The following KIF5C variants were observed in gnomAD, a reference collection of about 807,000 sequenced individuals.
The protein encoded by KIF5C is kinesin family member 5C.
A neutral mutation model predicts 125.2 loss-of-function variants in KIF5C; 18 were observed. The observed-to-expected ratio is 0.14, with a 90% CI of 0.10 to 0.21. The LOEUF is 0.21. Ranked by LOEUF, KIF5C falls within the 10% of genes least tolerant of loss-of-function variation. KIF5C has a pLI of 1.00. For missense variants in KIF5C, 780 were observed against 1,183.8 expected (o/e 0.66, Z 5.01); for synonymous variants, 405 against 434.0 (o/e 0.93, Z 0.83).
chr2:148,882,430 C>T (rs1362883714), intron 1 of KIF5C, among the ~76,000 whole-genome samples: 2 of 152,186 alleles, frequency 1.3e-5, no homozygotes, highest in African/African-American at 4.8e-5. Context: ...GCAGACCCTT[C>T]AGAGGTTCCC....
chr2:148,890,378 G>T (rs1281385269), intron 1 of KIF5C, among the ~76,000 whole-genome samples: 1 of 152,042 alleles, frequency 6.6e-6, no homozygotes, highest in African/African-American at 2.4e-5. Flanking sequence ...GTGTGTACCT[G>T]TAGTGCCATC....
chr2:149,024,382 C>G lies in KIF5C; in HGVS notation c.*1312C>G, dbSNP rs1329060905. 6.7e-6 allele frequency: 1 copy of G among 149,482 alleles called. No homozygotes were observed. The highest frequency in any genetic ancestry group is 2.5e-5 in the African/African-American group (1 of 40,424). The allele number at this position is 149,482 out of a possible 1,614,324, so 9.3% of individuals were successfully genotyped here. A position where few individuals can be genotyped will look rare whatever the true frequency, so the allele number is the denominator to read the frequency against. ...AACCAAACCAATCTCGGTGGAAACT[C>G]CTATCCTATCATGTTGTGTGCCCAA... On this transcript the variant is annotated 3_prime_UTR_variant, in exon 26 of 26. Coordinates refer to ENST00000435030, the MANE Select transcript of KIF5C (RefSeq NM_004522.3).
intron 1 of KIF5C, among the ~76,000 whole-genome samples, chr2:148,898,537 T>TG (rs1396806272): frequency 6.6e-5 from 10 of 152,238 alleles, no homozygotes; most frequent in African/African-American, 2.4e-4. Context: ...GATTCTTAAA[T>TG]GGGGAAGAAG....
intron 4 of KIF5C, among the ~76,000 whole-genome samples, chr2:148,940,344 C>G (rs79803975): frequency 0.011 from 1,695 of 152,260 alleles, 15 homozygotes; most frequent in Non-Finnish European, 0.019. Context: ...GGAAGTCTGA[C>G]AGGTGTTCAA....
At chr2:148,948,099 G>A in intron 8 of KIF5C, 1 of 434,690 alleles carries the variant, frequency 2.3e-6, no homozygotes, top group South Asian at 1.6e-5. Context: ...TGTAATCCCA[G>A]CACTTTGGGA....
At chr2:148,907,886 A>G (rs1456053260) in intron 1 of KIF5C, among the ~76,000 whole-genome samples, 1 of 152,250 alleles carries the variant, frequency 6.6e-6, no homozygotes, top group African/African-American at 2.4e-5. Context: ...GCCGCCCAGC[A>G]GGCTGTCCAG....
At chr2:148,937,475 A>G in intron 4 of KIF5C, 87 bp downstream of exon 4, 1 of 1,464,518 alleles carries the variant, frequency 6.8e-7, no homozygotes. Context: ...GATATAAAAG[A>G]TGATCCTACT....
chr2:148,997,308 C>T lies in KIF5C; in HGVS notation c.2068C>T (p.Leu690=). Residue 690 remains leucine (L), a synonymous_variant, in exon 18 of 26, where the codon CTG becomes TTG. Coordinates refer to ENST00000435030, the MANE Select transcript of KIF5C (RefSeq NM_004522.3). ...VSFQDKEKEH[L]TRLQDAEEMK... ...CTTCCAGGATAAGGAGAAGGAACAT[C>T]TGACGCGGTTGCAGGATGCTGAAGA... The T allele has an allele frequency of 6.2e-7, 1 of 1,614,012 alleles. No homozygotes were observed. The highest frequency in any genetic ancestry group is 8.5e-7 in the Non-Finnish European group (1 of 1,179,876).
chr2:148,925,586 G>C (rs562920112), intron 2 of KIF5C, among the ~76,000 whole-genome samples: 1 of 152,300 alleles, frequency 6.6e-6, no homozygotes, highest in Non-Finnish European at 1.5e-5. Context: ...GGGGGCCATG[G>C]ACTGGGACTC....
intron 2 of KIF5C, among the ~76,000 whole-genome samples, chr2:148,926,019 A>C (rs1681979633): frequency 6.6e-6 from 1 of 152,202 alleles, no homozygotes; most frequent in African/African-American, 2.4e-5. Context: ...ATGGCCTGTC[A>C]GCCACCATCA....
intron 1 of KIF5C, among the ~76,000 whole-genome samples, chr2:148,914,992 A>G (rs1479592660): frequency 6.6e-6 from 1 of 152,238 alleles, no homozygotes. Flanking sequence ...GCTGGTGGTC[A>G]TTGCCAGGTA....
intron 24 of KIF5C, among the ~76,000 whole-genome samples, chr2:149,011,035 A>G (rs1682178195): frequency 6.6e-6 from 1 of 151,970 alleles, no homozygotes; most frequent in African/African-American, 2.4e-5. Flanking sequence ...AACATCTCCA[A>G]TAACATGTAA....
rs1171500339 is a variant in KIF5C at position 148,991,203 on chromosome 2, G to A, written c.1905+5G>A. On this transcript the variant is annotated splice_donor_5th_base_variant and intron_variant, in intron 16 of 25. Coordinates refer to ENST00000435030, the MANE Select transcript of KIF5C (RefSeq NM_004522.3). ...TGCCAGCTGCTCATCTCCCAGGTGG[G>A]CCCTTCCCTTCCCCATCATTGCACT... 3 of 1,612,254 alleles carry A rather than the reference G, an allele frequency of 1.9e-6. No individual in the cohort carries two copies. Among genetic ancestry groups the A allele is most frequent in the South Asian group, 1.1e-5 (1 of 90,834 alleles).
Position 148,997,460 on chromosome 2 carries a change from G to A in KIF5C, c.2100+120G>A, listed in dbSNP as rs1450356712. On this transcript the variant is annotated intron_variant, in intron 18 of 25. Coordinates refer to ENST00000435030, the MANE Select transcript of KIF5C (RefSeq NM_004522.3). Reference sequence around the variant, plus strand: ...CGTATATGGCAAGGGACAGGGGAGGGGCTGTTGTTGGGCATTCAGAGTCGA... The same window carrying A: ...CGTATATGGCAAGGGACAGGGGAGGAGCTGTTGTTGGGCATTCAGAGTCGA... 3 of 1,525,888 alleles carry A rather than the reference G, an allele frequency of 2.0e-6. No homozygotes were observed. In the Admixed American group the frequency reaches 6.0e-5, roughly 30 times the overall value. 94.5% of individuals were successfully genotyped at this position (1,525,888 alleles called of 1,614,324 possible). A position where few individuals can be genotyped will look rare whatever the true frequency, so the allele number is the denominator to read the frequency against.
At chr2:148,976,769 C>T (rs562629400) in intron 12 of KIF5C, among the ~76,000 whole-genome samples, 135 of 151,234 alleles carry the variant, frequency 8.9e-4, no homozygotes, top group East Asian at 2.3e-3. Flanking sequence ...TTTGTAGAGA[C>T]GGAGATTTGC....
intron 3 of KIF5C, among the ~76,000 whole-genome samples, chr2:148,932,965 G>A (rs577212792): frequency 3.7e-4 from 56 of 152,230 alleles, no homozygotes; most frequent in African/African-American, 1.2e-3. Flanking sequence ...ATCACATTCC[G>A]TGGGAAAAGT....
At chr2:149,017,423 C>T (rs1275098720) in intron 25 of KIF5C, among the ~76,000 whole-genome samples, 1 of 152,190 alleles carries the variant, frequency 6.6e-6, no homozygotes. Flanking sequence ...AAATCAACCT[C>T]TCAGGCAGTG....
chr2:149,022,364 G>T (rs1388725282), intron 25 of KIF5C, among the ~76,000 whole-genome samples: 1 of 152,086 alleles, frequency 6.6e-6, no homozygotes, highest in Admixed American at 6.5e-5. Context: ...TGCTGTTCAT[G>T]TGCCACTATC....
chr2:148,972,968 C>T (rs1680958707), intron 11 of KIF5C, among the ~76,000 whole-genome samples: 1 of 152,146 alleles, frequency 6.6e-6, no homozygotes, highest in South Asian at 2.1e-4. Context: ...AGGTCTGTTT[C>T]CTTTTTAATC....
Sources: allele counts gnomAD v4.1 joint callset (sites outside exome capture counted in the v4.1 genomes callset), GRCh38; gene constraint gnomAD v4.1.1; transcripts MANE v1.5; gene names NCBI Gene and HGNC (gene_info 2026-07-23, HGNC 2026-07-21).